SHOC1: variants seen among roughly 807,000 people sequenced by gnomAD.
The protein encoded by SHOC1 is shortage in chiasmata 1, also known as protein shortage in chiasmata 1 ortholog.
SHOC1 carries 136 observed loss-of-function variants against 179.2 expected under a neutral mutation model. The ratio of observed to expected loss-of-function variants is 0.76; its 90% confidence interval spans 0.66 to 0.87. SHOC1 has a LOEUF of 0.87. Among genes scored for constraint, SHOC1 ranks in the 40% least tolerant of loss-of-function variants. The pLI, the probability that SHOC1 is intolerant of heterozygous loss-of-function variation, is 0.00. For synonymous variants in SHOC1, 489 were observed against 586.6 expected (o/e 0.83, Z 2.41); for missense variants, 1,538 against 1,700.8 (o/e 0.90, Z 1.68).
At chr9:111,713,701 T>A (rs1832653667) in intron 17 of SHOC1, among the ~76,000 whole-genome samples, 1 of 152,188 alleles carries the variant, frequency 6.6e-6, no homozygotes, top group Admixed American at 6.5e-5. Context: ...ACAGTTTATA[T>A]CTGGATTTTT....
At chr9:111,702,804 T>C (rs1382104908) in intron 22 of SHOC1, among the ~76,000 whole-genome samples, 3 of 152,204 alleles carry the variant, frequency 2.0e-5, no homozygotes, top group African/African-American at 7.2e-5. Flanking sequence ...ATAAGTTATA[T>C]AATTGGATTA....
intron 5 of SHOC1, among the ~76,000 whole-genome samples, chr9:111,765,119 C>A: frequency 6.9e-6 from 1 of 144,722 alleles, no homozygotes; most frequent in African/African-American, 2.6e-5. Context: ...CCAGCCTGGG[C>A]AACAGAGCAA....
At chr9:111,730,241 T>C (rs1408347398) in intron 12 of SHOC1, among the ~76,000 whole-genome samples, 3 of 152,184 alleles carry the variant, frequency 2.0e-5, no homozygotes, top group Non-Finnish European at 4.4e-5. Context: ...TTTTCTATCT[T>C]GCTAATGTTG....
chr9:111,713,968 C>A (rs1172574766), intron 17 of SHOC1, among the ~76,000 whole-genome samples: 2 of 152,064 alleles, frequency 1.3e-5, no homozygotes, highest in African/African-American at 4.8e-5. Flanking sequence ...AAATTTCTGA[C>A]AATTGGAGAA....
chr9:111,761,359 G>A (rs184626928), intron 5 of SHOC1, among the ~76,000 whole-genome samples: 9 of 152,074 alleles, frequency 5.9e-5, no homozygotes, highest in East Asian at 1.9e-4. Flanking sequence ...AAAATTAGCC[G>A]GGCTTGGTGG....
At chr9:111,745,099 G>A (rs12340014) in intron 10 of SHOC1, among the ~76,000 whole-genome samples, 21,306 of 152,142 alleles carry the variant, frequency 0.14, 1,800 homozygotes, top group Non-Finnish European at 0.19. Flanking sequence ...GGTGAACAAG[G>A]TCAGTGGCTG....
chr9:111,707,607 A>ATAT (rs1219797577), intron 19 of SHOC1, among the ~76,000 whole-genome samples: 1 of 152,024 alleles, frequency 6.6e-6, no homozygotes. Context: ...TACAATAACA[A>ATAT]TATTATTATT....
intron 16 of SHOC1, among the ~76,000 whole-genome samples, chr9:111,717,405 C>A (rs993984045): frequency 6.6e-6 from 1 of 152,028 alleles, no homozygotes. Flanking sequence ...AGCAGCCTGG[C>A]CAACGTGGTG....
At chr9:111,781,092 CT>C in intron 3 of SHOC1, 75 bp from the exon 4 acceptor site, 1 of 934,900 alleles carries the variant, frequency 1.1e-6, no homozygotes, top group Non-Finnish European at 1.7e-6. Context: ...AAACATTCAC[CT>C]TTTACATTAT....
intron 11 of SHOC1, among the ~76,000 whole-genome samples, chr9:111,740,482 A>C (rs1833983687): frequency 6.6e-6 from 1 of 152,244 alleles, no homozygotes; most frequent in Non-Finnish European, 1.5e-5. Flanking sequence ...GACACAGACA[A>C]GAGTTTAACT....
intron 3 of SHOC1, among the ~76,000 whole-genome samples, chr9:111,783,034 C>A (rs1436119979): frequency 6.6e-6 from 1 of 152,152 alleles, no homozygotes; most frequent in Admixed American, 6.5e-5. Context: ...CTCCTGTTAT[C>A]CTTTTTCTTT....
Position 111,705,310 on chromosome 9 carries a change from T to C in SHOC1, c.2792A>G (p.Tyr931Cys). Residue 931 changes from tyrosine to cysteine, a missense_variant, in exon 21 of 28, where the codon TAT becomes TGT. Physicochemically the swap from Tyr to Cys is radical, Grantham distance 194. Transcript: ENST00000682961. ...GGFLLEIQIP[Y>C]VFFASEGLLN... is the part of the protein sequence containing the mutation. The stretch of plus-strand genomic sequence containing the variant: ...AAGTCCTTCAGATGCAAAAAACACA[T>C]ATGGAATCTGAATTTCCAAAAGAAA... 2 of 1,594,106 alleles carry C rather than the reference T, an allele frequency of 1.3e-6. No individual in the cohort carries two copies. The highest frequency in any genetic ancestry group is 2.3e-5 in the East Asian group (1 of 43,670).
intron 18 of SHOC1, among the ~76,000 whole-genome samples, chr9:111,708,320 A>AAGAAGGAGAAT (rs1439926686): frequency 6.6e-6 from 1 of 151,890 alleles, no homozygotes; most frequent in Non-Finnish European, 1.5e-5. Flanking sequence ...CTCCTGCCTC[A>AAGAAGGAGAAT]GCCTCTCAAG....
In SHOC1 at chr9:111,714,431, T is replaced by C. The variant is rs949985425; in HGVS notation, c.2415+14A>G. The C allele has an allele frequency of 1.2e-6, 2 of 1,611,636 alleles. No individual in the cohort carries two copies. Among genetic ancestry groups the C allele is most frequent in the South Asian group, 1.1e-5 (1 of 90,586 alleles). ...TAAACTGATTATTTTACCGGCTTTATTCCAATACTTAACCTTAATTTGCTG... is the reference window on the plus strand; with the variant it reads ...TAAACTGATTATTTTACCGGCTTTACTCCAATACTTAACCTTAATTTGCTG... On this transcript the variant is annotated intron_variant, in intron 17 of 27. Transcript: ENST00000682961.
intron 4 of SHOC1, among the ~76,000 whole-genome samples, chr9:111,780,726 G>C (rs1359674535): frequency 6.6e-6 from 1 of 152,034 alleles, no homozygotes; most frequent in East Asian, 1.9e-4. Context: ...TAAACTAATT[G>C]AAAGTTTACT....
intron 5 of SHOC1, among the ~76,000 whole-genome samples, chr9:111,765,142 A>G (rs894358495): frequency 2.0e-5 from 2 of 99,188 alleles, no homozygotes; most frequent in South Asian, 6.2e-4. Flanking sequence ...CTCCGTCTCA[A>G]AAAAAAAAAA....
At chr9:111,729,249 G>A (rs544694456) in intron 12 of SHOC1, among the ~76,000 whole-genome samples, 8 of 152,178 alleles carry the variant, frequency 5.3e-5, no homozygotes, top group South Asian at 2.1e-4. Context: ...CTACAGGTGC[G>A]TACCACCATG....
intron 8 of SHOC1, among the ~76,000 whole-genome samples, chr9:111,752,543 G>A (rs2131546213): frequency 6.6e-6 from 1 of 152,266 alleles, no homozygotes; most frequent in Middle Eastern, 3.4e-3. Flanking sequence ...TCCAAATACA[G>A]TTAGTAGAAT....
intron 1 of SHOC1, among the ~76,000 whole-genome samples, chr9:111,793,104 G>A (rs189055948): frequency 1.3e-5 from 2 of 152,162 alleles, no homozygotes; most frequent in Admixed American, 6.5e-5. Context: ...GGATGGTCTC[G>A]ATCTCCTGAC....
Sources: allele counts gnomAD v4.1 joint callset (sites outside exome capture counted in the v4.1 genomes callset), GRCh38; gene constraint gnomAD v4.1.1; transcripts MANE v1.5; gene names NCBI Gene and HGNC (gene_info 2026-07-23, HGNC 2026-07-21).